SIPA1L1: variants seen among roughly 807,000 people sequenced by gnomAD.
SIPA1L1 encodes signal-induced proliferation-associated 1-like protein 1.
In SIPA1L1, 26 loss-of-function variants were observed where a neutral mutation model predicts 162.7. The observed-to-expected ratio is 0.16, with a 90% CI of 0.12 to 0.22. The LOEUF is 0.22. Among genes scored for constraint, SIPA1L1 ranks in the 10% least tolerant of loss-of-function variants. The pLI is 1.00. For synonymous variants in SIPA1L1, 829 were observed against 837.4 expected (o/e 0.99, Z 0.17); for missense variants, 1,874 against 2,241.0 (o/e 0.84, Z 3.31).
chr14:71,688,684 G>A (rs865848284), intron 13 of SIPA1L1, among the ~76,000 whole-genome samples: 15 of 152,090 alleles, frequency 9.9e-5, no homozygotes, highest in Admixed American at 5.9e-4. Flanking sequence ...TACCAGCGCC[G>A]TCCTGAGTGC....
At chr14:71,737,004 A>G (rs1212048462) in intron 22 of SIPA1L1, among the ~76,000 whole-genome samples, 1 of 152,070 alleles carries the variant, frequency 6.6e-6, no homozygotes, top group African/African-American at 2.4e-5. Context: ...CCTTCAGCCC[A>G]CCCAAAATCG....
intron 4 of SIPA1L1, among the ~76,000 whole-genome samples, chr14:71,552,796 C>G (rs988944091): frequency 6.6e-6 from 1 of 152,096 alleles, no homozygotes; most frequent in Admixed American, 6.5e-5. Context: ...TACCGAGTGC[C>G]TTGGAGCCTT....
In SIPA1L1 at chr14:71,441,653, TGTTGAATGAAC is replaced by T. The variant is rs563697720; in HGVS notation, c.-464-71085_-464-71075del. Among the ~76,000 whole-genome samples, 40 of 152,332 alleles carry T rather than the reference TGTTGAATGAAC, an allele frequency of 2.6e-4. 1 individual carries two copies. In the South Asian group the frequency reaches 4.8e-3, roughly 18 times the overall value. ...GACATGTAAGTACTAAATAAATGCTTGTTGAATGAACGTTGGATAAATCTCGGGTAATTGTT... is the reference window on the plus strand; with the variant it reads ...GACATGTAAGTACTAAATAAATGCTTGTTGGATAAATCTCGGGTAATTGTT... On this transcript the variant is annotated intron_variant, in intron 2 of 23. Coordinates refer to ENST00000381232, the MANE Select transcript of SIPA1L1 (RefSeq NM_001386936.1).
rs150610489 is a variant in SIPA1L1, at chr14:71,548,402, T to A, written c.-303+19032T>A. On this transcript the variant is annotated intron_variant, in intron 4 of 23. Transcript: ENST00000381232. Reference sequence around the variant, plus strand: ...TCTTTTATCACCAGTAGATTTTTTTTATTTATATCCTTGTGGGGAGGAGTG... The same window carrying A: ...TCTTTTATCACCAGTAGATTTTTTTAATTTATATCCTTGTGGGGAGGAGTG... Among the ~76,000 whole-genome samples the A allele has an allele frequency of 3.4e-3, 520 of 152,338 alleles. 3 individuals carry two copies. Among genetic ancestry groups the A allele is most frequent in the African/African-American group, 0.012 (495 of 41,572 alleles).
At chr14:71,646,314 C>T (rs1184888102) in intron 7 of SIPA1L1, among the ~76,000 whole-genome samples, 2 of 151,930 alleles carry the variant, frequency 1.3e-5, no homozygotes, top group Non-Finnish European at 1.5e-5. Flanking sequence ...GTAGCTGGGA[C>T]TACAGGTGCC....
rs185513973 is a variant in SIPA1L1 at position 71,730,096 on chromosome 14, C to T, written c.4656C>T (p.Thr1552=). The change falls in exon 20 of 24, where the codon ACC becomes ACT. Residue 1552 remains threonine (T), a synonymous_variant. Coordinates refer to ENST00000381232, the MANE Select transcript of SIPA1L1 (RefSeq NM_001386936.1). ...CTCCTCAGTCTCCTTTCCCCAGCACCCCCACCTCACGGCGGGCCTTGCACA... is the reference window on the plus strand; with the variant it reads ...CTCCTCAGTCTCCTTTCCCCAGCACTCCCACCTCACGGCGGGCCTTGCACA... ...LSSPQSPFPS[T]PTSRRALHRT... is the part of the protein sequence containing the mutation. 3.6e-4 allele frequency: 589 copies of T among 1,614,142 alleles called. 1 individual carries two copies. Among genetic ancestry groups the T allele is most frequent in the Non-Finnish European group, 2.6e-5 (31 of 1,180,004 alleles).
At chr14:71,356,339 TTAAAA>T (rs2037235772) in intron 2 of SIPA1L1, among the ~76,000 whole-genome samples, 1 of 151,762 alleles carries the variant, frequency 6.6e-6, no homozygotes, top group African/African-American at 2.4e-5. Flanking sequence ...CAGTATCAAT[TTAAAA>T]TAATATAATG....
intron 7 of SIPA1L1, among the ~76,000 whole-genome samples, chr14:71,639,398 A>G (rs941091121): frequency 3.9e-5 from 6 of 152,190 alleles, no homozygotes; most frequent in African/African-American, 1.4e-4. Flanking sequence ...TGACAGATTA[A>G]GTCCTGTCTC....
chr14:71,332,781 G>A (rs2034700054), intron 2 of SIPA1L1, among the ~76,000 whole-genome samples: 1 of 152,002 alleles, frequency 6.6e-6, no homozygotes, highest in Non-Finnish European at 1.5e-5. Flanking sequence ...AGTCTTCATT[G>A]TTTACCTGTT....
At chr14:71,730,980 C>A (rs1160261571) in intron 20 of SIPA1L1, among the ~76,000 whole-genome samples, 1 of 152,074 alleles carries the variant, frequency 6.6e-6, no homozygotes, top group African/African-American at 2.4e-5. Flanking sequence ...GGCTCTACAC[C>A]TCCCCTCATA....
chr14:71,438,268 G>A (rs1251647889), intron 2 of SIPA1L1, among the ~76,000 whole-genome samples: 2 of 152,004 alleles, frequency 1.3e-5, no homozygotes, highest in East Asian at 3.9e-4. Flanking sequence ...CCCCAGTTCC[G>A]ATAATTCCCT....
chr14:71,611,945 ATGG>A (rs1189925025), intron 5 of SIPA1L1, among the ~76,000 whole-genome samples: 1 of 152,194 alleles, frequency 6.6e-6, no homozygotes, highest in Non-Finnish European at 1.5e-5. Flanking sequence ...AACTGTACTG[ATGG>A]TGGCACACAT....
intron 5 of SIPA1L1, among the ~76,000 whole-genome samples, chr14:71,600,916 A>C (rs2036667314): frequency 6.6e-6 from 1 of 152,130 alleles, no homozygotes; most frequent in Non-Finnish European, 1.5e-5. Context: ...GTGTAAAGGA[A>C]CACTACTGAA....
chr14:71,663,914 A>T (rs1053938613), intron 10 of SIPA1L1, among the ~76,000 whole-genome samples: 2 of 152,210 alleles, frequency 1.3e-5, no homozygotes, highest in Non-Finnish European at 2.9e-5. Flanking sequence ...TTAGTTTGTA[A>T]CATCACTGAA....
chr14:71,374,128 A>T (rs1464876406), intron 2 of SIPA1L1, among the ~76,000 whole-genome samples: 1 of 152,148 alleles, frequency 6.6e-6, no homozygotes, highest in Non-Finnish European at 1.5e-5. Context: ...TGTTTAGAAG[A>T]TCCCATGGGC....
In SIPA1L1 at chr14:71,618,255, G is replaced by A. The variant is rs191924485; in HGVS notation, c.1499-502G>A. 4.7e-3 allele frequency among the ~76,000 whole-genome samples: 722 copies of A among 152,298 alleles called. 1 individual carries two copies. Among genetic ancestry groups the A allele is most frequent in the South Asian group, 0.012 (59 of 4,822 alleles). ...TGAGCTCCTACTCCACCATACACAG[G>A]CCACCTGGGAGCAGAGTGCTGCCCA... On this transcript the variant is annotated intron_variant, in intron 5 of 23. Coordinates refer to ENST00000381232, the MANE Select transcript of SIPA1L1 (RefSeq NM_001386936.1).
chr14:71,590,261 CA>C (rs2035215241), intron 5 of SIPA1L1, among the ~76,000 whole-genome samples: 1 of 151,804 alleles, frequency 6.6e-6, no homozygotes, highest in Non-Finnish European at 1.5e-5. Context: ...TCCAGGTAGA[CA>C]AACGAGGAAA....
At chr14:71,339,657 C>T (rs1017050904) in intron 2 of SIPA1L1, among the ~76,000 whole-genome samples, 2 of 152,200 alleles carry the variant, frequency 1.3e-5, no homozygotes, top group Non-Finnish European at 2.9e-5. Flanking sequence ...AGCCACCGTG[C>T]CAGGCCTATC....
intron 2 of SIPA1L1, among the ~76,000 whole-genome samples, chr14:71,335,257 G>A (rs534193779): frequency 2.4e-4 from 36 of 152,238 alleles, no homozygotes; most frequent in Admixed American, 7.9e-4. Flanking sequence ...AGCCAAGATC[G>A]TGCCACTGCA....
Sources: allele counts gnomAD v4.1 joint callset (sites outside exome capture counted in the v4.1 genomes callset), GRCh38; gene constraint gnomAD v4.1.1; transcripts MANE v1.5; gene names NCBI Gene and HGNC (gene_info 2026-07-23, HGNC 2026-07-21).